Variants in TAF4B observed in about 807,000 individuals in gnomAD.
TAF4B encodes TATA-box binding protein associated factor 4b.
A neutral mutation model predicts 86.4 loss-of-function variants in TAF4B; 38 were observed. That is an observed-to-expected ratio of 0.44 (90% confidence interval 0.34 to 0.58). The LOEUF is 0.58. Ranked by LOEUF, TAF4B falls within the 20% of genes least tolerant of loss-of-function variation. The pLI is 0.02. For synonymous variants in TAF4B, 388 were observed against 391.2 expected, an observed-to-expected ratio of 0.99 and a Z score of 0.10; for missense variants, 988 against 1,027.6, an observed-to-expected ratio of 0.96 and a Z score of 0.53.
intron 13 of TAF4B, among the ~76,000 whole-genome samples, chr18:26,338,985 C>T (rs1412261731): frequency 1.3e-5 from 2 of 152,184 alleles, no homozygotes; most frequent in Admixed American, 6.5e-5. Context: ...TGGCCTCCAG[C>T]CTAGTCTTAT....
chr18:26,350,509 A>G (rs903568312), intron 13 of TAF4B, among the ~76,000 whole-genome samples: 4 of 152,114 alleles, frequency 2.6e-5, no homozygotes, highest in African/African-American at 9.7e-5. Context: ...GTCTCTACAA[A>G]AAATTTAAAA....
At chr18:26,373,165 C>T (rs1341857493) in intron 14 of TAF4B, among the ~76,000 whole-genome samples, 4 of 152,034 alleles carry the variant, frequency 2.6e-5, no homozygotes, top group African/African-American at 9.7e-5. Flanking sequence ...GAGAGAGACA[C>T]GTTTGGATTT....
chr18:26,265,818 G>T (rs756645921), intron 2 of TAF4B, among the ~76,000 whole-genome samples: 99 of 152,202 alleles, frequency 6.5e-4, no homozygotes, highest in Non-Finnish European at 1.1e-3. Flanking sequence ...GCCTCCCAAA[G>T]TGCTGGGATT....
intron 1 of TAF4B, among the ~76,000 whole-genome samples, chr18:26,252,927 A>C (rs1349012655): frequency 2.6e-5 from 4 of 152,042 alleles, no homozygotes; most frequent in Non-Finnish European, 5.9e-5. Flanking sequence ...GAAAAAACAT[A>C]ATATGTGGGG....
intron 2 of TAF4B, among the ~76,000 whole-genome samples, chr18:26,266,414 G>A (rs1392159935): frequency 6.6e-6 from 1 of 152,012 alleles, no homozygotes; most frequent in Non-Finnish European, 1.5e-5. Flanking sequence ...CCAGCCTATA[G>A]TATTCATTTT....
intron 1 of TAF4B, among the ~76,000 whole-genome samples, chr18:26,259,706 C>G (rs1475753076): frequency 6.6e-6 from 1 of 152,116 alleles, no homozygotes; most frequent in Non-Finnish European, 1.5e-5. Context: ...GGGTTGGTTC[C>G]AAGTCTTTGC....
At chr18:26,228,826 T>G (rs1181946026) in intron 1 of TAF4B, among the ~76,000 whole-genome samples, 1 of 151,912 alleles carries the variant, frequency 6.6e-6, no homozygotes, top group Non-Finnish European at 1.5e-5. Flanking sequence ...TGCTGGTAAG[T>G]GAGAGTGAAT....
intron 11 of TAF4B, among the ~76,000 whole-genome samples, chr18:26,325,406 G>T (rs1485796719): frequency 1.3e-5 from 2 of 152,164 alleles, no homozygotes; most frequent in Non-Finnish European, 2.9e-5. Context: ...CTTCAGTTAG[G>T]CCAGCTGGGT....
chr18:26,308,180 G>A (rs997435623), intron 9 of TAF4B, among the ~76,000 whole-genome samples: 13 of 152,136 alleles, frequency 8.5e-5, no homozygotes, highest in Admixed American at 6.5e-5. Flanking sequence ...CCTGAGCTCC[G>A]GAAGTGAAGG....
intron 3 of TAF4B, among the ~76,000 whole-genome samples, chr18:26,272,154 C>T (rs542255173): frequency 4.6e-5 from 7 of 152,162 alleles, no homozygotes; most frequent in Non-Finnish European, 7.4e-5. Flanking sequence ...TGGGCAGGCG[C>T]GTGGGGGATT....
At chr18:26,382,225 C>T (rs888191639) in intron 14 of TAF4B, among the ~76,000 whole-genome samples, 9 of 152,038 alleles carry the variant, frequency 5.9e-5, no homozygotes, top group African/African-American at 1.2e-4. Context: ...TAGGTAAAAC[C>T]GATCTCTGGA....
intron 7 of TAF4B, 100 bp downstream of exon 7, chr18:26,286,599 G>A (rs2056526708): frequency 8.7e-6 from 11 of 1,268,838 alleles, no homozygotes; most frequent in South Asian, 1.6e-5. Flanking sequence ...GCTATATACT[G>A]TTTACGGGTT....
intron 9 of TAF4B, among the ~76,000 whole-genome samples, chr18:26,307,161 ATAG>A (rs2056803866): frequency 6.6e-6 from 1 of 152,222 alleles, no homozygotes; most frequent in African/African-American, 2.4e-5. Flanking sequence ...ATAAGAAGAA[ATAG>A]TAGCGAATAA....
chr18:26,370,321 A>C (rs2057398061), intron 14 of TAF4B, among the ~76,000 whole-genome samples: 1 of 152,230 alleles, frequency 6.6e-6, no homozygotes, highest in African/African-American at 2.4e-5. Flanking sequence ...CCAATCTTGT[A>C]AGATCTCTTG....
At chr18:26,256,256 A>G (rs1004366610) in intron 1 of TAF4B, 6 of 1,537,110 alleles carry the variant, frequency 3.9e-6, no homozygotes, top group African/African-American at 1.4e-5. Flanking sequence ...AGTCCTTTTC[A>G]TAGCGTTTAC....
At chr18:26,227,583 C>T (rs1351654474) in intron 1 of TAF4B, among the ~76,000 whole-genome samples, 3 of 152,118 alleles carry the variant, frequency 2.0e-5, no homozygotes, top group Admixed American at 1.3e-4. Flanking sequence ...GAGGATGGAC[C>T]GGTTTATACC....
At position 26,269,967 on chromosome 18, in the gene TAF4B, A is replaced by G. The variant is rs576453204; in HGVS notation, c.597+2344A>G. 2.6e-5 allele frequency among the ~76,000 whole-genome samples: 4 copies of G among 152,338 alleles called. No homozygotes were observed. The South Asian group carries it at 8.3e-4, about 32-fold the overall frequency. On this transcript the variant is annotated intron_variant, in intron 3 of 14. Coordinates refer to ENST00000269142, the MANE Select transcript of TAF4B (RefSeq NM_005640.3). The stretch of plus-strand genomic sequence containing the variant: ...TATAAATTTAGGCCTATTGATAGCT[A>G]CTATCATATTGTTTTATGAAGAAGT...
At chr18:26,377,214 CCT>C (rs1360984444) in intron 14 of TAF4B, among the ~76,000 whole-genome samples, 1 of 152,074 alleles carries the variant, frequency 6.6e-6, no homozygotes, top group African/African-American at 2.4e-5. Flanking sequence ...AGTGTTCCCT[CCT>C]CTCCTATTTT....
In TAF4B at chr18:26,282,064, G is replaced by A. The variant is rs968500520; in HGVS notation, c.972+4G>A. 1.1e-5 allele frequency: 18 copies of A among 1,598,636 alleles called. No individual in the cohort carries two copies. Among genetic ancestry groups the A allele is most frequent in the Non-Finnish European group, 1.5e-5 (18 of 1,168,168 alleles). ...TCACCTGGTTCCTTTTCTTAAGGTA[G>A]AGTTATGTGTCACTTAGAAGAAATA... On this transcript the variant is annotated splice_donor_region_variant and intron_variant, in intron 6 of 14. Transcript: ENST00000269142.
Sources: allele counts gnomAD v4.1 joint callset (sites outside exome capture counted in the v4.1 genomes callset), GRCh38; gene constraint gnomAD v4.1.1; transcripts MANE v1.5; gene names NCBI Gene and HGNC (gene_info 2026-07-23, HGNC 2026-07-21).